The following ZFAT variants were observed in gnomAD, a reference collection of about 807,000 sequenced individuals.
The protein encoded by ZFAT is zinc finger protein ZFAT.
In ZFAT, 64 loss-of-function variants were observed where a neutral mutation model predicts 117.7. The ratio of observed to expected loss-of-function variants is 0.54; its 90% confidence interval spans 0.44 to 0.67. The LOEUF (loss-of-function observed/expected upper bound fraction) is 0.67. Among genes scored for constraint, ZFAT ranks in the 30% least tolerant of loss-of-function variants. The pLI is 0.00. For synonymous variants in ZFAT, 679 were observed against 615.0 expected, an observed-to-expected ratio of 1.10 and a Z score of -1.54; for missense variants, 1,433 against 1,584.5, an observed-to-expected ratio of 0.90 and a Z score of 1.62.
the ZFAT span, among the ~76,000 whole-genome samples, chr8:134,831,029 G>A: frequency 6.6e-6 from 1 of 152,180 alleles, no homozygotes; most frequent in South Asian, 2.1e-4. Context: ...CAAACTGGTG[G>A]GTGGCACCGG....
rs138934592 is a variant in ZFAT at position 134,490,609 on chromosome 8, G to A, written c.3493-11888C>T. Among the ~76,000 whole-genome samples the A allele has an allele frequency of 5.1e-4, 77 of 152,314 alleles. No individual in the cohort carries two copies. The East Asian group carries it at 0.013, about 26-fold the overall frequency. ...GGGCCAGAGCTGACAGAGGGGCTAC[G>A]GAATACAGCGGGCTGCTGTCTGGAA... On this transcript the variant is annotated intron_variant, in intron 15 of 15. Transcript: ENST00000377838.
intron 11 of ZFAT, 150 bp downstream of exon 11, chr8:134,565,183 T>C (rs772422316): frequency 1.8e-5 from 28 of 1,535,868 alleles, no homozygotes; most frequent in Non-Finnish European, 2.4e-5. Context: ...TAAGCTGCAC[T>C]ATGCCTCAGA....
At chr8:134,702,665 CTTTTTTT>C (rs555992709) in intron 1 of ZFAT, among the ~76,000 whole-genome samples, 1 of 144,050 alleles carries the variant, frequency 6.9e-6, no homozygotes, top group South Asian at 2.2e-4. Flanking sequence ...ATCTCTATTT[CTTTTTTT>C]TTTTTTCTTT....
chr8:134,677,206 TAAAG>T (rs964902501), intron 1 of ZFAT, among the ~76,000 whole-genome samples: 1 of 151,586 alleles, frequency 6.6e-6, no homozygotes, highest in Non-Finnish European at 1.5e-5. Context: ...GCCAGACTAA[TAAAG>T]AAGAAAAGAG....
At chr8:134,506,077 T>C (rs1270262670) in intron 15 of ZFAT, among the ~76,000 whole-genome samples, 2 of 152,230 alleles carry the variant, frequency 1.3e-5, no homozygotes, top group Non-Finnish European at 2.9e-5. Context: ...TTGGTTTTTC[T>C]TTTCCTTTAA....
intron 11 of ZFAT, among the ~76,000 whole-genome samples, chr8:134,549,905 T>C (rs532544022): frequency 1.5e-4 from 23 of 151,924 alleles, no homozygotes; most frequent in African/African-American, 5.3e-4. Context: ...CCAAGAGATA[T>C]CAAGAGACAA....
chr8:134,751,817 G>T, the ZFAT span, among the ~76,000 whole-genome samples: 1 of 152,122 alleles, frequency 6.6e-6, no homozygotes, highest in Non-Finnish European at 1.5e-5. Flanking sequence ...GCATGAGTTT[G>T]GTCACATTAG....
At chr8:134,813,798 TTA>T in the ZFAT span, among the ~76,000 whole-genome samples, 6 of 104,964 alleles carry the variant, frequency 5.7e-5, no homozygotes, top group Non-Finnish European at 9.8e-5. Context: ...CGTTTTGATT[TTA>T]TACACACACA....
intron 1 of ZFAT, among the ~76,000 whole-genome samples, chr8:134,662,762 G>A (rs982753938): frequency 6.6e-6 from 1 of 152,224 alleles, no homozygotes; most frequent in African/African-American, 2.4e-5. Flanking sequence ...TGGTCAGCAG[G>A]GAGGCAAGCG....
chr8:134,553,930 C>G (rs889611138), intron 11 of ZFAT, among the ~76,000 whole-genome samples: 1 of 152,204 alleles, frequency 6.6e-6, no homozygotes, highest in Non-Finnish European at 1.5e-5. Context: ...AGGTCTTGTG[C>G]TGTAGGATAC....
At chr8:134,687,141 A>G (rs1405151156) in intron 1 of ZFAT, among the ~76,000 whole-genome samples, 1 of 152,142 alleles carries the variant, frequency 6.6e-6, no homozygotes, top group Non-Finnish European at 1.5e-5. Context: ...CCTCCCTTCC[A>G]GCTCTGATGC....
chr8:134,600,606 G>A lies in ZFAT; in HGVS notation c.2305C>T (p.Leu769=), dbSNP rs1355135989. 6.2e-7 allele frequency: 1 copy of A among 1,613,924 alleles called. No individual in the cohort carries two copies. The highest frequency in any genetic ancestry group is 8.5e-7 in the Non-Finnish European group (1 of 1,179,962). The part of the protein sequence containing the change: ...MHVRTHTREH[L]YYCSQCHYSS... Reference sequence around the variant, plus strand: ...TAATGACACTGAGAGCAATAATACAGATGTTCCCGGGTGTGGGTGCGGACA... The same window carrying A: ...TAATGACACTGAGAGCAATAATACAAATGTTCCCGGGTGTGGGTGCGGACA... Residue 769 remains leucine, a synonymous_variant, in exon 7 of 16, where the codon CTG becomes TTG. Transcript: ENST00000377838.
intron 13 of ZFAT, among the ~76,000 whole-genome samples, chr8:134,517,610 T>C (rs934368259): frequency 6.6e-6 from 1 of 152,204 alleles, no homozygotes; most frequent in Non-Finnish European, 1.5e-5. Context: ...CAATAGGCTT[T>C]CTCCAGATTC....
intron 1 of ZFAT, among the ~76,000 whole-genome samples, chr8:134,680,092 T>TAA (rs61471891): frequency 5.6e-5 from 8 of 142,930 alleles, no homozygotes; most frequent in African/African-American, 1.5e-4. Context: ...AAAGTATAAT[T>TAA]AAAAAAAAAA....
At chr8:134,739,528 C>T in the ZFAT span, among the ~76,000 whole-genome samples, 1 of 152,156 alleles carries the variant, frequency 6.6e-6, no homozygotes, top group Non-Finnish European at 1.5e-5. Flanking sequence ...TAAAAGCAAG[C>T]CCATGCTGAA....
In ZFAT at chr8:134,610,507, G is replaced by A; in HGVS notation, c.597C>T (p.Ile199=). Residue 199 remains isoleucine (I), a synonymous_variant, in exon 4 of 16, where the codon ATC becomes ATT. Transcript: ENST00000377838. ...ARQLSGAKKP[I]ISVVLTAHEA... The stretch of plus-strand genomic sequence containing the variant: ...CGTGTGCAGTTAAAACCACACTTAT[G>A]ATGGGTTTCTTCGCCCCAGAAAGCT... 3.1e-6 allele frequency: 5 copies of A among 1,614,140 alleles called. No individual in the cohort carries two copies. Among genetic ancestry groups the A allele is most frequent in the African/African-American group, 1.3e-5 (1 of 75,018 alleles).
the ZFAT span, among the ~76,000 whole-genome samples, chr8:134,732,334 A>T: frequency 1.3e-5 from 2 of 152,194 alleles, no homozygotes; most frequent in African/African-American, 4.8e-5. Context: ...GAGAGGGAGA[A>T]GCAAGGGCAG....
the ZFAT span, among the ~76,000 whole-genome samples, chr8:134,777,077 T>C: frequency 6.6e-6 from 1 of 152,236 alleles, no homozygotes; most frequent in Non-Finnish European, 1.5e-5. Context: ...TGCTAATAAT[T>C]AGTTCTGTAA....
chr8:134,818,327 T>C, the ZFAT span, among the ~76,000 whole-genome samples: 1 of 152,168 alleles, frequency 6.6e-6, no homozygotes, highest in Admixed American at 6.5e-5. Context: ...TTTGAACAGA[T>C]GCTTCCCAAA....
Sources: allele counts gnomAD v4.1 joint callset (sites outside exome capture counted in the v4.1 genomes callset), GRCh38; gene constraint gnomAD v4.1.1; transcripts MANE v1.5; gene names NCBI Gene and HGNC (gene_info 2026-07-23, HGNC 2026-07-21).